The following KDR variants were observed in gnomAD, a reference collection of about 807,000 sequenced individuals.
The protein encoded by KDR is vascular endothelial growth factor receptor 2.
In KDR, 43 loss-of-function variants were observed where a neutral mutation model predicts 160.9. That is an observed-to-expected ratio of 0.27 (90% CI 0.21 to 0.34). The LOEUF is 0.34. Ranked by LOEUF, KDR falls within the 10% of genes least tolerant of loss-of-function variation. KDR has a pLI of 1.00. For synonymous variants in KDR, 617 were observed against 600.1 expected (o/e 1.03, Z -0.41); for missense variants, 1,469 against 1,666.4 (o/e 0.88, Z 2.06).
chr4:55,098,056 C>T (rs1720205907), intron 17 of KDR, 81 bp downstream of exon 17: 2 of 1,531,214 alleles, frequency 1.3e-6, no homozygotes, highest in Non-Finnish European at 9.0e-7. Context: ...CATCTGAATA[C>T]ACCACATTTG....
chr4:55,094,920 G>A lies in KDR; in HGVS notation c.2853C>T (p.Tyr951=), dbSNP rs201374419. The change falls in exon 21 of 30, where the codon TAC becomes TAT. Residue 951 remains tyrosine, a synonymous_variant. Coordinates refer to ENST00000263923, the MANE Select transcript of KDR (RefSeq NM_002253.4). ...KGARFRQGKD[Y]VGAIPVDLKR... is the part of the protein sequence containing the mutation. ...TCAGATCCACAGGGATTGCTCCAAC[G>A]TAGTCTTTCCCTTGACGGAATCGTG... The A allele has an allele frequency of 7.1e-5, 115 of 1,613,924 alleles. No homozygotes were observed. The highest frequency in any genetic ancestry group is 5.7e-4 in the African/African-American group (43 of 75,022).
At chr4:55,120,544 G>T (rs1416719756) in intron 2 of KDR, among the ~76,000 whole-genome samples, 1 of 152,102 alleles carries the variant, frequency 6.6e-6, no homozygotes, top group Non-Finnish European at 1.5e-5. Context: ...AGGGCCCGAA[G>T]TCCATTATTT....
intron 29 of KDR, among the ~76,000 whole-genome samples, chr4:55,081,283 T>C (rs1256920776): frequency 1.3e-5 from 2 of 152,082 alleles, no homozygotes; most frequent in Admixed American, 6.6e-5. Context: ...CAAAACCTCC[T>C]CTATTCTTAC....
intron 3 of KDR, among the ~76,000 whole-genome samples, 187 bp downstream of exon 3, chr4:55,118,417 G>A (rs528855346): frequency 4.6e-5 from 7 of 152,280 alleles, no homozygotes; most frequent in Admixed American, 6.5e-5. Context: ...GAGGTAACAC[G>A]GCCCAAGCTC....
At chr4:55,098,917 C>T (rs1720232591) in intron 15 of KDR, 114 bp from the exon 16 acceptor site, 1 of 730,756 alleles carries the variant, frequency 1.4e-6, no homozygotes, top group Admixed American at 2.1e-5. Flanking sequence ...TTGGAAAAAT[C>T]CTAGAGGACA....
At chr4:55,105,043 A>T (rs1720409298) in intron 12 of KDR, 59 bp from the exon 13 acceptor site, 1 of 1,385,284 alleles carries the variant, frequency 7.2e-7, no homozygotes, top group African/African-American at 1.4e-5. Flanking sequence ...GCTCACTATC[A>T]TCTTGCTGCT....
intron 26 of KDR, 107 bp from the exon 27 acceptor site, chr4:55,087,865 C>T: frequency 1.0e-6 from 1 of 983,918 alleles, no homozygotes; most frequent in East Asian, 2.4e-5. Flanking sequence ...GGGTGTGTGG[C>T]TTTCATATCT....
Position 55,104,773 on chromosome 4 carries a change from A to G in KDR, c.1857T>C (p.Asn619=), listed in dbSNP as rs1276822881. The G allele has an allele frequency of 2.5e-6, 4 of 1,613,852 alleles. No homozygotes were observed. Among genetic ancestry groups the G allele is most frequent in the Non-Finnish European group, 3.4e-6 (4 of 1,179,904 alleles). Residue 619 remains asparagine (N), a synonymous_variant, in exon 13 of 30, where the codon AAT becomes AAC. Transcript: ENST00000263923. The part of the protein sequence containing the change: ...LWKLNATMFS[N]STNDILIMEL... Reference sequence around the variant, plus strand: ...CCATGATCAAAATGTCATTTGTGCTATTAGAGAACATGGTGGCATTCAATT... The same window carrying G: ...CCATGATCAAAATGTCATTTGTGCTGTTAGAGAACATGGTGGCATTCAATT...
chr4:55,101,244 C>A (rs1223145995), intron 15 of KDR, among the ~76,000 whole-genome samples: 1 of 152,148 alleles, frequency 6.6e-6, no homozygotes, highest in Non-Finnish European at 1.5e-5. Context: ...GGAGAAGAGG[C>A]TATTCATCCT....
intron 1 of KDR, among the ~76,000 whole-genome samples, chr4:55,122,446 C>A (rs1002718398): frequency 3.3e-5 from 5 of 151,906 alleles, no homozygotes; most frequent in African/African-American, 1.2e-4. Flanking sequence ...CCTTGCTGGG[C>A]AAATAAGAGA....
chr4:55,090,613 C>A (rs1271183636), intron 22 of KDR, among the ~76,000 whole-genome samples: 1 of 152,110 alleles, frequency 6.6e-6, no homozygotes, highest in Non-Finnish European at 1.5e-5. Context: ...TTATAAAGGT[C>A]TATTAAGGCA....
chr4:55,101,698 T>C (rs1720312192), intron 15 of KDR, among the ~76,000 whole-genome samples, 199 bp downstream of exon 15: 1 of 152,150 alleles, frequency 6.6e-6, no homozygotes, highest in Non-Finnish European at 1.5e-5. Flanking sequence ...CTTCCCTGTG[T>C]CTATGTGTTC....
intron 9 of KDR, among the ~76,000 whole-genome samples, chr4:55,108,645 A>G (rs1470193166): frequency 6.6e-6 from 1 of 152,136 alleles, no homozygotes; most frequent in South Asian, 2.1e-4. Flanking sequence ...AAATCTTTAG[A>G]GAATGCATTC....
chr4:55,121,279 T>G, intron 1 of KDR, 89 bp from the exon 2 acceptor site: 1 of 869,652 alleles, frequency 1.1e-6, no homozygotes, highest in Non-Finnish European at 1.9e-6. Flanking sequence ...ACTCTATACT[T>G]TAAAAGGCCT....
At chr4:55,083,733 A>G (rs1719792490) in intron 27 of KDR, among the ~76,000 whole-genome samples, 1 of 152,102 alleles carries the variant, frequency 6.6e-6, no homozygotes, top group African/African-American at 2.4e-5. Context: ...AACATGCTGC[A>G]TAGACCTTGG....
At chr4:55,122,205 G>A (rs1199952203) in intron 1 of KDR, among the ~76,000 whole-genome samples, 1 of 152,062 alleles carries the variant, frequency 6.6e-6, no homozygotes, top group African/African-American at 2.4e-5. Flanking sequence ...CTCACCATGG[G>A]TCACTCTACA....
intron 7 of KDR, among the ~76,000 whole-genome samples, chr4:55,112,198 G>T (rs1720603886): frequency 1.3e-5 from 2 of 152,052 alleles, no homozygotes; most frequent in South Asian, 4.1e-4. Flanking sequence ...CCACTTATAA[G>T]CAGATTTTCT....
chr4:55,110,929 C>T (rs973173447), intron 7 of KDR, among the ~76,000 whole-genome samples, 161 bp from the exon 8 acceptor site: 5 of 152,074 alleles, frequency 3.3e-5, no homozygotes, highest in Non-Finnish European at 1.5e-5. Flanking sequence ...CAGCTTCTCC[C>T]ACACCTCCCG....
chr4:55,122,212 T>C (rs1720898656), intron 1 of KDR, among the ~76,000 whole-genome samples: 1 of 152,154 alleles, frequency 6.6e-6, no homozygotes, highest in African/African-American at 2.4e-5. Context: ...TGGGTCACTC[T>C]ACAGCAAGAT....
Sources: allele counts gnomAD v4.1 joint callset (sites outside exome capture counted in the v4.1 genomes callset), GRCh38; gene constraint gnomAD v4.1.1; transcripts MANE v1.5; gene names NCBI Gene and HGNC (gene_info 2026-07-23, HGNC 2026-07-21).